FBXL7: variants seen among roughly 807,000 people sequenced by gnomAD.
FBXL7 encodes F-box/LRR-repeat protein 7.
In FBXL7, 12 loss-of-function variants were observed where a neutral mutation model predicts 38.3. The ratio of observed to expected loss-of-function variants is 0.31; its 90% CI spans 0.20 to 0.51. The LOEUF is 0.51. FBXL7 is among the 20% of genes least tolerant of loss of function. The pLI is 0.98. For synonymous variants in FBXL7, 297 were observed against 300.9 expected, an observed-to-expected ratio of 0.99 and a Z score of 0.13; for missense variants, 567 against 676.4, an observed-to-expected ratio of 0.84 and a Z score of 1.79.
chr5:15,564,161 G>A (rs1445864929), intron 1 of FBXL7, among the ~76,000 whole-genome samples: 1 of 151,928 alleles, frequency 6.6e-6, no homozygotes, highest in African/African-American at 2.4e-5. Context: ...TCCTATCAAA[G>A]GGCTCTGGAG....
At chr5:15,553,614 T>C (rs903202157) in intron 1 of FBXL7, among the ~76,000 whole-genome samples, 4 of 152,182 alleles carry the variant, frequency 2.6e-5, no homozygotes, top group African/African-American at 9.7e-5. Flanking sequence ...AATGAATAAA[T>C]CTCTGTTTTA....
At chr5:15,814,985 C>G (rs1332573722) in intron 2 of FBXL7, among the ~76,000 whole-genome samples, 1 of 152,160 alleles carries the variant, frequency 6.6e-6, no homozygotes, top group South Asian at 2.1e-4. Flanking sequence ...TGGTGAGCCC[C>G]TCTCTGATAA....
chr5:15,739,506 CACA>C (rs1735840672), intron 2 of FBXL7, among the ~76,000 whole-genome samples: 1 of 136,326 alleles, frequency 7.3e-6, no homozygotes, highest in Non-Finnish European at 1.7e-5. Context: ...TTTTTTTTAT[CACA>C]ACAAGAAATC....
chr5:15,929,933 A>G (rs1219299352), intron 3 of FBXL7, among the ~76,000 whole-genome samples: 1 of 152,186 alleles, frequency 6.6e-6, no homozygotes, highest in Non-Finnish European at 1.5e-5. Context: ...AGAATCTGGG[A>G]TTTACAAGCA....
intron 2 of FBXL7, among the ~76,000 whole-genome samples, chr5:15,681,428 A>G (rs1742841809): frequency 6.6e-6 from 1 of 152,244 alleles, no homozygotes; most frequent in Admixed American, 6.5e-5. Context: ...TGTTCTCAAC[A>G]TATTGAAAAG....
intron 2 of FBXL7, among the ~76,000 whole-genome samples, chr5:15,694,074 T>A (rs10434653): frequency 0.064 from 9,763 of 152,202 alleles, 361 homozygotes; most frequent in East Asian, 0.085. Context: ...ACATGCCCAC[T>A]GGGCTTTGGG....
At chr5:15,777,213 C>T (rs550252618) in intron 2 of FBXL7, among the ~76,000 whole-genome samples, 1 of 152,134 alleles carries the variant, frequency 6.6e-6, no homozygotes, top group South Asian at 2.1e-4. Flanking sequence ...AGTAGTGGAA[C>T]TAGGGGCAAA....
At chr5:15,679,935 G>C (rs116056749) in intron 2 of FBXL7, among the ~76,000 whole-genome samples, 234 of 152,292 alleles carry the variant, frequency 1.5e-3, no homozygotes, top group Middle Eastern at 6.8e-3. Context: ...AAGGAGGTAG[G>C]TTTATTTCCA....
chr5:15,922,019 T>C (rs527490040), intron 2 of FBXL7, among the ~76,000 whole-genome samples: 33 of 152,260 alleles, frequency 2.2e-4, no homozygotes, highest in Middle Eastern at 3.4e-3. Flanking sequence ...CGTAAATATA[T>C]GTGCATTCCC....
At chr5:15,672,262 C>A (rs1029565100) in intron 2 of FBXL7, among the ~76,000 whole-genome samples, 2 of 152,128 alleles carry the variant, frequency 1.3e-5, no homozygotes, top group Admixed American at 1.3e-4. Context: ...TGGATTTCTT[C>A]CAGGAACATT....
At chr5:15,930,454 C>G (rs545916201) in intron 3 of FBXL7, among the ~76,000 whole-genome samples, 1 of 152,174 alleles carries the variant, frequency 6.6e-6, no homozygotes, top group Non-Finnish European at 1.5e-5. Context: ...TTCCCATGCA[C>G]TCTTAATACA....
At chr5:15,880,860 G>A (rs964916816) in intron 2 of FBXL7, among the ~76,000 whole-genome samples, 3 of 151,138 alleles carry the variant, frequency 2.0e-5, no homozygotes, top group African/African-American at 7.3e-5. Context: ...AGTATGCTCT[G>A]TAGTATGCTC....
intron 2 of FBXL7, among the ~76,000 whole-genome samples, chr5:15,708,518 G>A (rs1046735848): frequency 1.3e-5 from 2 of 152,194 alleles, no homozygotes; most frequent in Non-Finnish European, 2.9e-5. Context: ...AGCTGAACTT[G>A]AGTGCCAGCA....
At chr5:15,931,157 C>T (rs1201922661) in intron 3 of FBXL7, among the ~76,000 whole-genome samples, 1 of 152,152 alleles carries the variant, frequency 6.6e-6, no homozygotes, top group Non-Finnish European at 1.5e-5. Context: ...TCACATATTA[C>T]CTTTTATTAA....
intron 2 of FBXL7, among the ~76,000 whole-genome samples, chr5:15,826,708 C>T (rs1043029498): frequency 2.6e-5 from 4 of 152,282 alleles, no homozygotes; most frequent in Non-Finnish European, 4.4e-5. Flanking sequence ...CATGATCCAC[C>T]GCACCTGGCC....
At chr5:15,577,765 TTGTC>T in intron 1 of FBXL7, among the ~76,000 whole-genome samples, 1 of 152,266 alleles carries the variant, frequency 6.6e-6, no homozygotes, top group African/African-American at 2.4e-5. Context: ...TCCATTGTAT[TTGTC>T]TGCCACTGTC....
In FBXL7 at chr5:15,862,785, G is replaced by A. The variant is rs62348076; in HGVS notation, c.128-65105G>A. On this transcript the variant is annotated intron_variant, in intron 2 of 3. Coordinates refer to ENST00000504595, the MANE Select transcript of FBXL7 (RefSeq NM_012304.5). ...CAAAGCTGATTTGGGGCAGAAGCAGGGAGTGCTGATGTGCAGCAGAAAGGA... is the reference window on the plus strand; with the variant it reads ...CAAAGCTGATTTGGGGCAGAAGCAGAGAGTGCTGATGTGCAGCAGAAAGGA... 6.4e-4 allele frequency among the ~76,000 whole-genome samples: 98 copies of A among 152,330 alleles called. 1 individual carries two copies. The highest frequency in any genetic ancestry group is 9.8e-4 in the Non-Finnish European group (67 of 68,040).
intron 2 of FBXL7, among the ~76,000 whole-genome samples, chr5:15,916,075 A>G (rs10520829): frequency 0.34 from 51,158 of 151,966 alleles, 8,956 homozygotes; most frequent in Admixed American, 0.52. Flanking sequence ...TGCAAAGGAT[A>G]TTGATGAGTT....
intron 2 of FBXL7, among the ~76,000 whole-genome samples, chr5:15,646,818 G>A (rs532413714): frequency 6.6e-5 from 10 of 152,274 alleles, no homozygotes; most frequent in Middle Eastern, 3.4e-3. Context: ...AGTCGCGTGG[G>A]GAGTATATGA....
Sources: allele counts gnomAD v4.1 joint callset (sites outside exome capture counted in the v4.1 genomes callset), GRCh38; gene constraint gnomAD v4.1.1; transcripts MANE v1.5; gene names NCBI Gene and HGNC (gene_info 2026-07-23, HGNC 2026-07-21).